The following DYNAP variants were observed in gnomAD, a reference collection of about 807,000 sequenced individuals.
DYNAP encodes dynactin-associated protein.
DYNAP carries 7 observed loss-of-function variants against 8.5 expected under a neutral mutation model. That is an observed-to-expected ratio of 0.82 (90% CI 0.47 to 1.54). The LOEUF is 1.54. DYNAP is among the 40% of genes most tolerant of loss of function. DYNAP has a pLI of 0.01. For synonymous variants in DYNAP, 77 were observed against 77.9 expected (o/e 0.99, Z 0.06); for missense variants, 256 against 224.3 (o/e 1.14, Z -0.90).
At chr18:54,587,536 CATT>C (rs1568239640), upstream of DYNAP, among the ~76,000 whole-genome samples, 10 of 151,770 alleles carry the variant, frequency 6.6e-5, no homozygotes. Flanking sequence ...CTGAAACACA[CATT>C]AATATTTTTT....
chr18:54,598,342 C>A lies in DYNAP; in HGVS notation c.*197C>A. 1 of 572,774 alleles carries A rather than the reference C, an allele frequency of 1.7e-6. No homozygotes were observed. The highest frequency in any genetic ancestry group is 3.0e-6 in the Non-Finnish European group (1 of 332,204). The allele number at this position is 572,774 out of a possible 1,614,324, so 35.5% of individuals were successfully genotyped here. On this transcript the variant is annotated 3_prime_UTR_variant, in exon 3 of 3. Coordinates refer to ENST00000648945, the MANE Select transcript of DYNAP (RefSeq NM_173629.3). ...AAACTTACTTGACAACTCAAATAAT[C>A]ACCACTTCGACCATCTCTTTGACTG...
At position 54,599,357 on chromosome 18, in the gene DYNAP, C is replaced by G. The variant is rs1309502207; in HGVS notation, c.*1212C>G. 6.6e-6 allele frequency: 1 copy of G among 152,102 alleles called. No individual in the cohort carries two copies. Among genetic ancestry groups the G allele is most frequent in the Non-Finnish European group, 1.5e-5 (1 of 67,978 alleles). 9.4% of individuals were successfully genotyped at this position (152,102 alleles called of 1,614,324 possible). A position where few individuals can be genotyped will look rare whatever the true frequency, so the allele number is the denominator to read the frequency against. ...AATAACCTGTTCTATATTAAGTTAA[C>G]TTTTAGTTATCACCAGTAATACTAG... On this transcript the variant is annotated 3_prime_UTR_variant, in exon 3 of 3. Transcript: ENST00000648945.
chr18:54,584,192 G>A (rs75173305), upstream of DYNAP, among the ~76,000 whole-genome samples: 5,656 of 150,286 alleles, frequency 0.038, 349 homozygotes, highest in African/African-American at 0.13. Context: ...ATACACACCT[G>A]ATGATACAGA....
intron 2 of DYNAP, among the ~76,000 whole-genome samples, chr18:54,597,305 A>G (rs1911335136): frequency 6.6e-6 from 1 of 152,072 alleles, no homozygotes; most frequent in African/African-American, 2.4e-5. Context: ...TCTGCATGAT[A>G]CTGTAATGGT....
At chr18:54,585,619 C>T (rs1461798309), upstream of DYNAP, among the ~76,000 whole-genome samples, 2 of 152,200 alleles carry the variant, frequency 1.3e-5, no homozygotes, top group Non-Finnish European at 2.9e-5. Flanking sequence ...TCAAAGATCA[C>T]TTCCTTTGCT....
At chr18:54,593,856 C>A (rs1568241568) in intron 1 of DYNAP, among the ~76,000 whole-genome samples, 1 of 152,074 alleles carries the variant, frequency 6.6e-6, no homozygotes, top group Admixed American at 6.6e-5. Context: ...CTGCTTGAGC[C>A]TTGGGAGGTC....
chr18:54,591,069 C>T, upstream of DYNAP: 1 of 834,502 alleles, frequency 1.2e-6, no homozygotes, highest in Non-Finnish European at 1.7e-6. Flanking sequence ...TACTGGTTTT[C>T]TTGCGTCTTT....
At chr18:54,587,120 G>A (rs534158136), upstream of DYNAP, among the ~76,000 whole-genome samples, 1 of 152,236 alleles carries the variant, frequency 6.6e-6, no homozygotes, top group African/African-American at 2.4e-5. Flanking sequence ...TTTCACAATT[G>A]ATGAAGCTAT....
rs577175462 is a variant in DYNAP at position 54,593,141 on chromosome 18, ATTAAC to A, written c.58-1794_58-1790del. Among the ~76,000 whole-genome samples the A allele has an allele frequency of 1.9e-3, 294 of 152,282 alleles. 1 individual carries two copies. The highest frequency in any genetic ancestry group is 3.6e-3 in the Non-Finnish European group (243 of 67,996). On this transcript the variant is annotated intron_variant, in intron 1 of 2. Coordinates refer to ENST00000648945, the MANE Select transcript of DYNAP (RefSeq NM_173629.3). The stretch of plus-strand genomic sequence containing the variant: ...CTTTTATATTATATTTACAGAAAAA[ATTAAC>A]TTAGCTAATTGTCCACTGCCAGGAG...
At chr18:54,587,817 A>C (rs1910932170), upstream of DYNAP, 1 of 400,616 alleles carries the variant, frequency 2.5e-6, no homozygotes, top group African/African-American at 2.1e-5. Context: ...TATAGGAGAA[A>C]GAACTTTCAA....
chr18:54,579,398 T>C, the DYNAP span, among the ~76,000 whole-genome samples: 8 of 152,212 alleles, frequency 5.3e-5, no homozygotes, highest in Non-Finnish European at 1.0e-4. Context: ...TTCTGTTATC[T>C]TTGAAAACCA....
At chr18:54,576,726 C>G in the DYNAP span, among the ~76,000 whole-genome samples, 3 of 151,820 alleles carry the variant, frequency 2.0e-5, no homozygotes, top group African/African-American at 7.3e-5. Context: ...TTGCTTGAGC[C>G]CAGGAAGTCG....
At chr18:54,582,371 G>T in the DYNAP span, among the ~76,000 whole-genome samples, 1 of 152,008 alleles carries the variant, frequency 6.6e-6, no homozygotes, top group Admixed American at 6.6e-5. Flanking sequence ...TATTTAAAAA[G>T]AAATATGTTT....
At chr18:54,596,478 G>C (rs1204081465) in intron 2 of DYNAP, among the ~76,000 whole-genome samples, 1 of 152,116 alleles carries the variant, frequency 6.6e-6, no homozygotes, top group Admixed American at 6.6e-5. Flanking sequence ...CAGAAACTCT[G>C]GGGGGTGGGG....
intron 1 of DYNAP, among the ~76,000 whole-genome samples, chr18:54,591,959 G>T (rs1911095130): frequency 6.6e-6 from 1 of 152,048 alleles, no homozygotes; most frequent in South Asian, 2.1e-4. Context: ...TTTGACTTCA[G>T]AAAAGGAAGG....
At chr18:54,578,122 G>A in the DYNAP span, among the ~76,000 whole-genome samples, 1 of 152,328 alleles carries the variant, frequency 6.6e-6, no homozygotes, top group Non-Finnish European at 1.5e-5. Flanking sequence ...CCTGGAGAGG[G>A]AGAATGGTCA....
chr18:54,586,835 A>G (rs1480136927), upstream of DYNAP, among the ~76,000 whole-genome samples: 2 of 152,220 alleles, frequency 1.3e-5, no homozygotes, highest in Admixed American at 6.5e-5. Flanking sequence ...TGGTACACCA[A>G]TTGGAAGGGA....
At position 54,595,003 on chromosome 18, in the gene DYNAP, A is replaced by C; in HGVS notation, c.122A>C (p.Asp41Ala). 1 of 1,612,848 alleles carries C rather than the reference A, an allele frequency of 6.2e-7. No homozygotes were observed. Among genetic ancestry groups the C allele is most frequent in the Non-Finnish European group, 8.5e-7 (1 of 1,179,188 alleles). ...SSICWCLPSN[D>A]ITSDVSPNLT... Reference sequence around the variant, plus strand: ...ATATGCTGGTGTCTACCTTCAAATGATATAACCAGTGATGTCTCTCCCAAC... The same window carrying C: ...ATATGCTGGTGTCTACCTTCAAATGCTATAACCAGTGATGTCTCTCCCAAC... The change falls in exon 2 of 3, where the codon GAT (aspartate) becomes GCT (alanine). Residue 41 changes from aspartate to alanine, a missense_variant. By Grantham distance (126) the Asp-to-Ala change is moderately radical. Transcript: ENST00000648945.
At chr18:54,586,078 G>A (rs1326079675), upstream of DYNAP, among the ~76,000 whole-genome samples, 2 of 152,114 alleles carry the variant, frequency 1.3e-5, no homozygotes, top group African/African-American at 4.8e-5. Context: ...ATGAATCCCA[G>A]TTTCTCTATT....
Sources: allele counts gnomAD v4.1 joint callset (sites outside exome capture counted in the v4.1 genomes callset), GRCh38; gene constraint gnomAD v4.1.1; transcripts MANE v1.5; gene names NCBI Gene and HGNC (gene_info 2026-07-23, HGNC 2026-07-21).